The following TBCK variants were observed in gnomAD, a reference collection of about 807,000 sequenced individuals.
TBCK encodes the protein TBC domain-containing protein kinase-like protein.
TBCK carries 99 observed loss-of-function variants against 113.4 expected under a neutral mutation model. That is an observed-to-expected ratio of 0.87 (90% confidence interval 0.74 to 1.03). The LOEUF (loss-of-function observed/expected upper bound fraction) is 1.03. Ranked by LOEUF, TBCK falls within the 50% of genes least tolerant of loss-of-function variation. The pLI is 0.00. For synonymous variants in TBCK, 369 were observed against 370.8 expected (o/e 1.00, Z 0.05); for missense variants, 1,045 against 1,061.3 (o/e 0.98, Z 0.21).
chr4:106,143,911 T>A (rs1747447819), intron 23 of TBCK, among the ~76,000 whole-genome samples: 1 of 140,418 alleles, frequency 7.1e-6, no homozygotes, highest in South Asian at 2.4e-4. Context: ...CGAAACTCTG[T>A]CTAAAAAAAA....
chr4:106,190,090 C>T (rs1753489763), intron 22 of TBCK, among the ~76,000 whole-genome samples: 1 of 152,138 alleles, frequency 6.6e-6, no homozygotes, highest in Non-Finnish European at 1.5e-5. Context: ...ACAAAGAGGT[C>T]ACAAATTAGT....
rs35298308 is a variant in TBCK at position 106,208,409 on chromosome 4, CTT to C, written c.1860+4339_1860+4340del. On this transcript the variant is annotated intron_variant, in intron 20 of 25. Coordinates refer to ENST00000394708, the MANE Select transcript of TBCK (RefSeq NM_001163435.3). ...TGTTGTGGCCATCTTTGAGTGGTGC[CTT>C]TTTTTTTTTTTTTTAGCTTTTTTTG... Among the ~76,000 whole-genome samples the C allele has an allele frequency of 7.3e-4, 101 of 137,702 alleles. 1 individual carries two copies. Among genetic ancestry groups the C allele is most frequent in the Middle Eastern group, 3.8e-3 (1 of 266 alleles). The allele number at this position is 137,702 out of a possible 152,430, so 90.3% of individuals were successfully genotyped here. A position where few individuals can be genotyped will look rare whatever the true frequency, so the allele number is the denominator to read the frequency against.
At position 106,262,230 on chromosome 4, in the gene TBCK, A is replaced by G; in HGVS notation, c.267-18T>C. 1 of 1,401,904 alleles carries G rather than the reference A, an allele frequency of 7.1e-7. No individual in the cohort carries two copies. The highest frequency in any genetic ancestry group is 2.5e-5 in the East Asian group (1 of 39,924). The allele number at this position is 1,401,904 out of a possible 1,614,324, so 86.8% of individuals were successfully genotyped here. A position where few individuals can be genotyped will look rare whatever the true frequency, so the allele number is the denominator to read the frequency against. ...TTGAACAGCTACAAAGAAAACAAAA[A>G]GTCAAAGATCAATTACAAAGCAAAT... is the stretch of plus-strand genomic sequence containing the variant. On this transcript the variant is annotated intron_variant, in intron 3 of 25. Coordinates refer to ENST00000394708, the MANE Select transcript of TBCK (RefSeq NM_001163435.3).
chr4:106,195,639 G>A (rs905658234), intron 20 of TBCK, among the ~76,000 whole-genome samples: 1 of 151,962 alleles, frequency 6.6e-6, no homozygotes, highest in African/African-American at 2.4e-5. Flanking sequence ...AGAGGAAGGA[G>A]GAATGTGCCT....
chr4:106,148,205 C>T (rs992148242), intron 23 of TBCK, among the ~76,000 whole-genome samples: 1 of 152,242 alleles, frequency 6.6e-6, no homozygotes, highest in African/African-American at 2.4e-5. Context: ...CCTGTGATCT[C>T]ACCCTGCCTC....
chr4:106,116,124 TAACCA>T, intron 24 of TBCK, 74 bp downstream of exon 24: 1 of 1,373,734 alleles, frequency 7.3e-7, no homozygotes, highest in Non-Finnish European at 9.8e-7. Flanking sequence ...TTTTTTTTTT[TAACCA>T]CACAACACTT....
chr4:106,285,334 T>C (rs1391857542), intron 3 of TBCK, among the ~76,000 whole-genome samples: 1 of 152,142 alleles, frequency 6.6e-6, no homozygotes, highest in African/African-American at 2.4e-5. Context: ...CGGCCGTTAA[T>C]ACTAAGAGAG....
chr4:106,289,113 T>C (rs988554876), intron 3 of TBCK, among the ~76,000 whole-genome samples: 2 of 152,226 alleles, frequency 1.3e-5, no homozygotes, highest in African/African-American at 2.4e-5. Flanking sequence ...CCATGGACAT[T>C]TGAGTTCTAC....
rs750078575 is a variant in TBCK, at chr4:106,095,539, C to G, written c.2514G>C (p.Gln838His). The G allele has an allele frequency of 4.3e-6, 7 of 1,614,144 alleles. No individual in the cohort carries two copies. The South Asian group carries it at 4.4e-5, about 10-fold the overall frequency. ...TGACAATGACCTTCCCTTTGAAGTTCTGGAGCATAGCAGTGTAAGGGCCCT... is the reference window on the plus strand; with the variant it reads ...TGACAATGACCTTCCCTTTGAAGTTGTGGAGCATAGCAGTGTAAGGGCCCT... ...LTQGPYTAML[Q>H]NFKGKVIVIV... Residue 838 changes from glutamine to histidine, a missense_variant, in exon 25 of 26, where the codon CAG becomes CAC. By Grantham distance (24) the Gln-to-His change is conservative (BLOSUM62 0). Transcript: ENST00000394708.
intron 23 of TBCK, among the ~76,000 whole-genome samples, chr4:106,116,674 C>T (rs933470985): frequency 7.2e-5 from 11 of 152,066 alleles, no homozygotes; most frequent in East Asian, 1.9e-4. Context: ...GTCCGAGCTC[C>T]GCCTCCTGTC....
intron 24 of TBCK, among the ~76,000 whole-genome samples, chr4:106,096,716 T>C (rs555131864): frequency 2.9e-4 from 44 of 152,306 alleles, no homozygotes; most frequent in Middle Eastern, 3.4e-3. Flanking sequence ...GGTGGATATA[T>C]GATGCAGGCT....
intron 23 of TBCK, among the ~76,000 whole-genome samples, chr4:106,148,992 G>C (rs1211148535): frequency 6.6e-6 from 1 of 152,172 alleles, no homozygotes. Flanking sequence ...TTCTCCACCA[G>C]TACTTGCTGC....
intron 22 of TBCK, among the ~76,000 whole-genome samples, chr4:106,177,682 T>C (rs1751847573): frequency 1.3e-5 from 2 of 152,064 alleles, no homozygotes; most frequent in South Asian, 4.1e-4. Context: ...TCCATTTCAT[T>C]GGTCTATGTG....
chr4:106,275,677 C>A (rs1763948750), intron 3 of TBCK, among the ~76,000 whole-genome samples: 1 of 152,002 alleles, frequency 6.6e-6, no homozygotes, highest in African/African-American at 2.4e-5. Context: ...ACAATCATAT[C>A]AAAAACATAA....
chr4:106,157,325 C>G (rs748905851), intron 23 of TBCK, among the ~76,000 whole-genome samples: 48 of 152,092 alleles, frequency 3.2e-4, no homozygotes, highest in African/African-American at 7.7e-4. Context: ...AGGGGTGGTG[C>G]AAGTACTCTC....
chr4:106,212,706 T>A, intron 20 of TBCK, 44 bp downstream of exon 20: 1 of 1,285,226 alleles, frequency 7.8e-7, no homozygotes. Flanking sequence ...AATTTCTGCT[T>A]TTTTTTTTTA....
chr4:106,216,290 C>G (rs1238509893), intron 19 of TBCK, among the ~76,000 whole-genome samples: 3 of 151,280 alleles, frequency 2.0e-5, no homozygotes. Flanking sequence ...GACACCCTAA[C>G]ATCACAATTA....
chr4:106,093,242 C>T lies in TBCK; in HGVS notation c.2571+2240G>A, dbSNP rs565729685. Among the ~76,000 whole-genome samples, 5 of 152,322 alleles carry T rather than the reference C, an allele frequency of 3.3e-5. No homozygotes were observed. In the South Asian group the frequency reaches 6.2e-4, roughly 19 times the overall value. ...TTAATCCTGGCCAGGTGCGGAGGCT[C>T]ACGCCTGTAATCCCAGCACTTTGGG... On this transcript the variant is annotated intron_variant, in intron 25 of 25. Coordinates refer to ENST00000394708, the MANE Select transcript of TBCK (RefSeq NM_001163435.3).
At chr4:106,257,635 T>A (rs1762130870) in intron 5 of TBCK, among the ~76,000 whole-genome samples, 1 of 152,104 alleles carries the variant, frequency 6.6e-6, no homozygotes, top group Non-Finnish European at 1.5e-5. Context: ...CGTATTGTGT[T>A]ATTTTACCCT....
Sources: gnomAD v4.1 joint callset for allele counts (sites outside exome capture counted in the v4.1 genomes callset) on GRCh38, gnomAD v4.1.1 for gene constraint, MANE v1.5 for transcripts, NCBI Gene and HGNC (gene_info 2026-07-23, HGNC 2026-07-21) for gene names.